Variants in CLN6 observed in about 807,000 individuals in gnomAD.
CLN6 encodes the protein ceroid-lipofuscinosis neuronal protein 6.
Under a neutral mutation model 33.3 loss-of-function variants are expected in CLN6, and 22 were observed. The ratio of observed to expected loss-of-function variants is 0.66; its 90% CI spans 0.47 to 0.94. The LOEUF is 0.94. Ranked by LOEUF, CLN6 falls within the 40% of genes least tolerant of loss-of-function variation. The probability of loss-of-function intolerance (pLI) is 0.00; values close to 1 mark genes in which losing one functional copy is unlikely to be tolerated. For synonymous variants in CLN6, 201 were observed against 174.6 expected (o/e 1.15, Z -1.19); for missense variants, 387 against 417.1 (o/e 0.93, Z 0.63).
rs781313960 is a variant in CLN6, at chr15:68,211,742, C to A, written c.419G>T (p.Ser140Ile). 2 of 1,613,980 alleles carry A rather than the reference C, an allele frequency of 1.2e-6. No individual in the cohort carries two copies. Among genetic ancestry groups the A allele is most frequent in the Non-Finnish European group, 1.7e-6 (2 of 1,180,022 alleles). ...GDSVNHRLLFSGYQHHLSVRE... is the reference protein window; with the variant it reads ...GDSVNHRLLFIGYQHHLSVRE... ...GACAGACAGGTGGTGCTGGTAGCCA[C>A]TGAAGAGCAGGCGGTGGTTGACAGA... Residue 140 changes from serine to isoleucine, a missense_variant, in exon 4 of 7, where the codon AGT becomes ATT. Physicochemically the swap from Ser to Ile is moderately radical, Grantham distance 142. Coordinates refer to ENST00000249806, the MANE Select transcript of CLN6 (RefSeq NM_017882.3). The surrounding 1 kb of genome is among the most constrained non-coding windows in gnomAD (Gnocchi z 5.9).
At position 68,208,242 on chromosome 15, in the gene CLN6, G is replaced by C. The variant is rs1221851854; in HGVS notation, c.834C>G (p.Ala278=). ...TGAGAACAGGGTCATTCCACAGCCAGGCGACCCAGAGCGCCACAAGCAAGA... is the reference window on the plus strand; with the variant it reads ...TGAGAACAGGGTCATTCCACAGCCACGCGACCCAGAGCGCCACAAGCAAGA... ...LTLLLVALWV[A]WLWNDPVLRK... is the part of the protein sequence containing the mutation. Residue 278 remains alanine, a synonymous_variant, in exon 7 of 7, where the codon GCC becomes GCG. Coordinates refer to ENST00000249806, the MANE Select transcript of CLN6 (RefSeq NM_017882.3). The surrounding 1 kb of genome is among the most constrained non-coding windows in gnomAD (Gnocchi z 5.8). The C allele has an allele frequency of 6.2e-7, 1 of 1,614,068 alleles. No individual in the cohort carries two copies. The highest frequency in any genetic ancestry group is 8.5e-7 in the Non-Finnish European group (1 of 1,180,024).
intron 1 of CLN6, among the ~76,000 whole-genome samples, chr15:68,255,377 C>T (rs200567917): frequency 6.7e-6 from 1 of 148,510 alleles, no homozygotes; most frequent in East Asian, 1.9e-4. Context: ...TGAGATGGAA[C>T]CCCTCAAAAA....
chr15:68,240,656 A>G (rs1385027749), intron 1 of CLN6, among the ~76,000 whole-genome samples: 4 of 151,712 alleles, frequency 2.6e-5, no homozygotes, highest in African/African-American at 9.7e-5. Context: ...GCCAGATAAA[A>G]TAGATAAATG....
rs1017185466 is a variant in CLN6, at chr15:68,223,336, C to T, written c.84-4686G>A. ...GAGCCAGAGAAAGAGAAGGGACGGG[C>T]GGCTCGATCTTCAGACTGGACAGAT... On this transcript the variant is annotated intron_variant, in intron 1 of 6. Transcript: ENST00000249806. 5.9e-5 allele frequency among the ~76,000 whole-genome samples: 9 copies of T among 152,066 alleles called. No individual in the cohort carries two copies. The South Asian group carries it at 6.2e-4, about 11-fold the overall frequency.
In CLN6 at chr15:68,208,496, C is replaced by T. The variant is rs917424655; in HGVS notation, c.666-86G>A. On this transcript the variant is annotated intron_variant, in intron 6 of 6. Coordinates refer to ENST00000249806, the MANE Select transcript of CLN6 (RefSeq NM_017882.3). This position sits in a 1 kb window ranked among gnomAD's most constrained non-coding sequence, Gnocchi z 5.8. Reference sequence around the variant, plus strand: ...CTTCCTGTGTGCGAGAGCCAGGCTGCCCTCCAGGCAGGCAGAAGAGTCCTC... The same window carrying T: ...CTTCCTGTGTGCGAGAGCCAGGCTGTCCTCCAGGCAGGCAGAAGAGTCCTC... The T allele has an allele frequency of 1.9e-5, 29 of 1,506,424 alleles. No homozygotes were observed. Among genetic ancestry groups the T allele is most frequent in the African/African-American group, 1.5e-4 (11 of 72,728 alleles). The allele number at this position is 1,506,424 out of a possible 1,614,324, so 93.3% of individuals were successfully genotyped here. A position where few individuals can be genotyped will look rare whatever the true frequency, so the allele number is the denominator to read the frequency against.
upstream of CLN6, among the ~76,000 whole-genome samples, chr15:68,233,506 G>A (rs1032155798): frequency 3.3e-5 from 5 of 152,204 alleles, no homozygotes; most frequent in African/African-American, 1.2e-4. The surrounding 1 kb of genome is among the most constrained non-coding windows in gnomAD (Gnocchi z 4.3). Flanking sequence ...AGCCAGGCCA[G>A]AATCCAGTCT....
At position 68,220,712 on chromosome 15, in the gene CLN6, G is replaced by C. The variant is rs1355088353; in HGVS notation, c.84-2062C>G. 1.3e-5 allele frequency among the ~76,000 whole-genome samples: 2 copies of C among 152,272 alleles called. No homozygotes were observed. The highest frequency in any genetic ancestry group is 1.5e-5 in the Non-Finnish European group (1 of 68,048). ...GAGCCAACACATTCCTTTTTGCTAA[G>C]GATGGTGCAGTTCACACTGGCTTTC... On this transcript the variant is annotated intron_variant, in intron 1 of 6. Coordinates refer to ENST00000249806, the MANE Select transcript of CLN6 (RefSeq NM_017882.3). This position sits in a 1 kb window ranked among gnomAD's most constrained non-coding sequence, Gnocchi z 4.2.
At chr15:68,240,141 C>T (rs1367676092) in intron 1 of CLN6, among the ~76,000 whole-genome samples, 1 of 151,868 alleles carries the variant, frequency 6.6e-6, no homozygotes, top group Non-Finnish European at 1.5e-5. Context: ...TAGCTGCTTT[C>T]ATTAGAAAAG....
upstream of CLN6, among the ~76,000 whole-genome samples, chr15:68,231,082 A>G (rs977102745): frequency 2.6e-5 from 4 of 152,108 alleles, no homozygotes; most frequent in African/African-American, 9.7e-5. Context: ...GCCTATTTCC[A>G]TTCTATTTTC....
chr15:68,224,268 A>AG (rs2093245830), intron 1 of CLN6, among the ~76,000 whole-genome samples: 1 of 144,128 alleles, frequency 6.9e-6, no homozygotes, highest in African/African-American at 2.5e-5. Flanking sequence ...CTTATTGCAA[A>AG]AAAAAAAAAA....
Position 68,208,435 on chromosome 15 carries a change from G to A in CLN6, c.666-25C>T, listed in dbSNP as rs1303551646. On this transcript the variant is annotated intron_variant, in intron 6 of 6. Transcript: ENST00000249806. This position sits in a 1 kb window ranked among gnomAD's most constrained non-coding sequence, Gnocchi z 5.8. ...CCTGGAAAGGCCAGGGGTGAGTGAGGCAGCTGCCGTGGCAACCCCGTCCTG... is the reference window on the plus strand; with the variant it reads ...CCTGGAAAGGCCAGGGGTGAGTGAGACAGCTGCCGTGGCAACCCCGTCCTG... The A allele has an allele frequency of 3.1e-6, 5 of 1,610,884 alleles. No homozygotes were observed. Among genetic ancestry groups the A allele is most frequent in the African/African-American group, 1.3e-5 (1 of 74,844 alleles).
At chr15:68,255,055 G>A in intron 1 of CLN6, 1 of 605,418 alleles carries the variant, frequency 1.7e-6, no homozygotes, top group Non-Finnish European at 3.0e-6. Context: ...GTGTTTTTTG[G>A]GAAAGGGGCA....
intron 1 of CLN6, among the ~76,000 whole-genome samples, chr15:68,238,130 A>G (rs1892240003): frequency 6.7e-6 from 1 of 148,530 alleles, no homozygotes; most frequent in African/African-American, 2.5e-5. Context: ...CTCAAAAAAA[A>G]AGAAGTGGGT....
Position 68,211,331 on chromosome 15 carries a change from C to T in CLN6, c.487-13G>A, listed in dbSNP as rs747926816. On this transcript the variant is annotated splice_polypyrimidine_tract_variant and intron_variant, in intron 4 of 6. Coordinates refer to ENST00000249806, the MANE Select transcript of CLN6 (RefSeq NM_017882.3). The surrounding 1 kb of genome is among the most constrained non-coding windows in gnomAD (Gnocchi z 5.9). ...CAAAGGAGTCGATCTGAGGGAGGAA[C>T]GGGCAGGGCAGAGTCGGGGGATGTC... The T allele has an allele frequency of 5.1e-5, 82 of 1,613,726 alleles. No homozygotes were observed. Among genetic ancestry groups the T allele is most frequent in the Admixed American group, 8.3e-5 (5 of 59,986 alleles).
chr15:68,238,229 C>T (rs1356625646), intron 1 of CLN6, among the ~76,000 whole-genome samples: 1 of 151,296 alleles, frequency 6.6e-6, no homozygotes, highest in African/African-American at 2.4e-5. Context: ...CATGGTGAAA[C>T]CCTATCTCCA....
At position 68,236,657 on chromosome 15, in the gene CLN6, T is replaced by C. The variant is rs115099264; in HGVS notation, c.180-18007A>G. Among the ~76,000 whole-genome samples the C allele has an allele frequency of 7.2e-3, 1,104 of 152,372 alleles. 15 individuals carry two copies. Among genetic ancestry groups the C allele is most frequent in the African/African-American group, 0.025 (1,051 of 41,586 alleles). ...TTGGTATAAATGTTCTGGCATTAAG[T>C]AGTGGTAATGACTTCACAACTTCTG... On this transcript the variant is annotated intron_variant, in intron 1 of 6. Coordinates refer to the CLN6 transcript ENST00000538696. This position sits in a 1 kb window ranked among gnomAD's most constrained non-coding sequence, Gnocchi z 4.5.
rs745931380 is a variant in CLN6 at position 68,211,973 on chromosome 15, G to A, written c.298-110C>T. 17 of 1,163,312 alleles carry A rather than the reference G, an allele frequency of 1.5e-5. No individual in the cohort carries two copies. The highest frequency in any genetic ancestry group is 4.3e-5 in the South Asian group (3 of 70,338). The allele number at this position is 1,163,312 out of a possible 1,614,324, so 72.1% of individuals were successfully genotyped here. Reference sequence around the variant, plus strand: ...TGGGATGGACGCTTCCAGCTGGAATGTCACTCCAAAAAGTGGCTGGTCCCT... The same window carrying A: ...TGGGATGGACGCTTCCAGCTGGAATATCACTCCAAAAAGTGGCTGGTCCCT... On this transcript the variant is annotated intron_variant, in intron 3 of 6. Coordinates refer to ENST00000249806, the MANE Select transcript of CLN6 (RefSeq NM_017882.3). The surrounding 1 kb of genome is among the most constrained non-coding windows in gnomAD (Gnocchi z 5.9).
intron 1 of CLN6, 120 bp downstream of exon 1, chr15:68,229,382 G>T: frequency 6.8e-6 from 5 of 740,544 alleles, no homozygotes; most frequent in South Asian, 2.7e-5. Flanking sequence ...GCTCCGCTCC[G>T]CCCCGGCCAG....
rs1407029626 is a variant in CLN6 at position 68,220,953 on chromosome 15, G to GT, written c.84-2304dup. On this transcript the variant is annotated intron_variant, in intron 1 of 6. Coordinates refer to ENST00000249806, the MANE Select transcript of CLN6 (RefSeq NM_017882.3). This position sits in a 1 kb window ranked among gnomAD's most constrained non-coding sequence, Gnocchi z 4.2. ...CATTCCTTCCACCTCAGTCTCCTGA[G>GT]TAACTGGGACCACAGGTGCATGCCA... Among the ~76,000 whole-genome samples the GT allele has an allele frequency of 6.6e-6, 1 of 152,044 alleles. No individual in the cohort carries two copies. The highest frequency in any genetic ancestry group is 1.9e-4 in the East Asian group (1 of 5,194).
Sources: allele counts gnomAD v4.1 joint callset (sites outside exome capture counted in the v4.1 genomes callset), GRCh38; gene constraint gnomAD v4.1.1; non-coding constraint Gnocchi (gnomAD v3.1); transcripts MANE v1.5; gene names NCBI Gene and HGNC (gene_info 2026-07-23, HGNC 2026-07-21).